The following ERCC5 variants were observed in gnomAD, a reference collection of about 807,000 sequenced individuals.
The protein encoded by ERCC5 is DNA excision repair protein ERCC-5.
Under a neutral mutation model 105.6 loss-of-function variants are expected in ERCC5, and 68 were observed. The ratio of observed to expected loss-of-function variants is 0.64; its 90% CI spans 0.53 to 0.79. The LOEUF is 0.79. Ranked by LOEUF, ERCC5 falls within the 30% of genes least tolerant of loss-of-function variation. ERCC5 has a pLI of 0.00. For missense variants in ERCC5, 1,373 were observed against 1,426.7 expected (o/e 0.96, Z 0.61); for synonymous variants, 546 against 526.2 (o/e 1.04, Z -0.51).
chr13:102,857,763 T>C (rs1029549931), intron 5 of ERCC5, among the ~76,000 whole-genome samples: 2 of 152,218 alleles, frequency 1.3e-5, no homozygotes, highest in Non-Finnish European at 2.9e-5. Flanking sequence ...CCTGAAATGC[T>C]CTATCCTCAG....
intron 5 of ERCC5, among the ~76,000 whole-genome samples, chr13:102,857,618 T>C (rs145531825): frequency 9.1e-4 from 90 of 98,906 alleles, no homozygotes; most frequent in African/African-American, 3.7e-3. Context: ...TTTCCATGTC[T>C]TCTGTGAATT....
rs1882696412 is a variant in ERCC5, at chr13:102,862,916, A to G, written c.1767A>G (p.Ile589Met). Reference protein sequence around the residue: ...GPVSLQETSSIVSVPSEAVDN... With the variant: ...GPVSLQETSSMVSVPSEAVDN... ...TCAGTTTGCAAGAAACAAGTAGCAT[A>G]GTAAGTGTCCCTTCAGAGGCAGTAG... The change falls in exon 8 of 15, where the codon ATA (isoleucine) becomes ATG (methionine). Residue 589 changes from isoleucine to methionine, a missense_variant. Ile to Met is a conservative substitution (Grantham distance 10, BLOSUM62 1). Around this residue, in one of 3 missense-constraint regions of ERCC5, gnomAD observed 1,004 missense variants for 1,059.7 expected, o/e 0.95. Coordinates refer to ENST00000652225, the MANE Select transcript of ERCC5 (RefSeq NM_000123.4). 1.2e-6 allele frequency: 2 copies of G among 1,614,238 alleles called. No homozygotes were observed.
At chr13:102,850,878 G>A (rs1445021920) in intron 1 of ERCC5, among the ~76,000 whole-genome samples, 2 of 152,150 alleles carry the variant, frequency 1.3e-5, no homozygotes, top group African/African-American at 2.4e-5. Context: ...GGAAAGAAGA[G>A]GGCCTGAGAA....
chr13:102,853,858 C>G lies in ERCC5; in HGVS notation c.366C>G (p.Ala122=). The G allele has an allele frequency of 6.2e-7, 1 of 1,614,116 alleles. No individual in the cohort carries two copies. Among genetic ancestry groups the G allele is most frequent in the Non-Finnish European group, 8.5e-7 (1 of 1,179,980 alleles). The change falls in exon 3 of 15, where the codon GCC becomes GCG. Residue 122 remains alanine, a synonymous_variant. Coordinates refer to ENST00000652225, the MANE Select transcript of ERCC5 (RefSeq NM_000123.4). ...TGAAAAGACAAGCCATCAAAACTGCCTTCAGAAGCAAAAGGCAAGAGGAAA... is the reference window on the plus strand; with the variant it reads ...TGAAAAGACAAGCCATCAAAACTGCGTTCAGAAGCAAAAGGCAAGAGGAAA... The part of the protein sequence containing the change: ...TFLKRQAIKT[A]FRSKRDEALP...
rs121434570 is a variant in ERCC5, at chr13:102,872,397, G to T, written c.2878G>T (p.Glu960Ter). Reference sequence around the variant, plus strand: ...GAAACCTGATCTCGACAAAATTAGAGAATATCCTTTGCTTCTTAAAAGAGA... The same window carrying T: ...GAAACCTGATCTCGACAAAATTAGATAATATCCTTTGCTTCTTAAAAGAGA... ...WGKPDLDKIREFCQRYFGWNR... is the reference protein window; with the variant it reads ...WGKPDLDKIR Residue 960 changes from glutamate to a stop codon, truncating the protein, a stop_gained and splice_region_variant, in exon 13 of 15, where the codon GAA (glutamate) becomes TAA (stop). Coordinates refer to ENST00000652225, the MANE Select transcript of ERCC5 (RefSeq NM_000123.4). LOFTEE classifies it high-confidence loss of function. The T allele has an allele frequency of 1.5e-5, 25 of 1,614,070 alleles. No homozygotes were observed. The highest frequency in any genetic ancestry group is 3.3e-5 in the Admixed American group (2 of 60,008).
rs765622507 is a variant in ERCC5 at position 102,868,228 on chromosome 13, G to T, written c.2649G>T (p.Gly883=). 1.2e-6 allele frequency: 2 copies of T among 1,614,160 alleles called. No homozygotes were observed. The highest frequency in any genetic ancestry group is 3.3e-5 in the Admixed American group (2 of 60,020). ...TGGAAATTCTCAATGAATTCCCTGGGCATGGCCTGGAACCTCTCCTAAAAT... is the reference window on the plus strand; with the variant it reads ...TGGAAATTCTCAATGAATTCCCTGGTCATGGCCTGGAACCTCTCCTAAAAT... ...TAMEILNEFP[G]HGLEPLLKFS... is the part of the protein sequence containing the mutation. The change falls in exon 12 of 15, where the codon GGG becomes GGT. Residue 883 remains glycine (G), a synonymous_variant. Transcript: ENST00000652225.
intron 2 of ERCC5, 53 bp from the exon 3 acceptor site, chr13:102,853,704 T>C (rs1284884300): frequency 3.9e-6 from 6 of 1,550,044 alleles, no homozygotes; most frequent in Non-Finnish European, 5.3e-6. Flanking sequence ...CACAGCAATG[T>C]TTCTAGTGGT....
chr13:102,859,874 C>G (rs1326571822), intron 6 of ERCC5, among the ~76,000 whole-genome samples: 1 of 152,132 alleles, frequency 6.6e-6, no homozygotes, highest in Non-Finnish European at 1.5e-5. Context: ...TTTCAGTGAC[C>G]TGTGGTAAAC....
intron 10 of ERCC5, 124 bp from the exon 11 acceptor site, chr13:102,866,508 C>A: frequency 6.2e-7 from 1 of 1,601,184 alleles, no homozygotes; most frequent in South Asian, 1.1e-5. Context: ...CCCTGGGGGT[C>A]ACTGTGTGTC....
rs1178352364 is a variant in ERCC5 at position 102,861,527 on chromosome 13, G to A, written c.693G>A (p.Gln231=). 2.5e-5 allele frequency: 40 copies of A among 1,613,900 alleles called. No homozygotes were observed. The highest frequency in any genetic ancestry group is 3.3e-5 in the Non-Finnish European group (39 of 1,180,014). The part of the protein sequence containing the change: ...AMPEESDDFS[Q]YQLKGLLKKN... ...TTTAGGAGTCTGATGACTTTTCACAGTACCAACTCAAAGGCTTGCTTAAAA... is the reference window on the plus strand; with the variant it reads ...TTTAGGAGTCTGATGACTTTTCACAATACCAACTCAAAGGCTTGCTTAAAA... Residue 231 remains glutamine, a synonymous_variant, in exon 7 of 15, where the codon CAG becomes CAA. Transcript: ENST00000652225.
chr13:102,875,371 T>C lies in ERCC5; in HGVS notation c.3029T>C (p.Ile1010Thr). The change falls in exon 15 of 15, where the codon ATT becomes ACT. Residue 1010 changes from isoleucine (I) to threonine (T), a missense_variant. Around this residue, in one of 3 missense-constraint regions of ERCC5, gnomAD observed 367 missense variants for 350.2 expected, o/e 1.05. Transcript: ENST00000652225. ...AQQEKEDAKR[I>T]KSQRLNRAVT... is the part of the protein sequence containing the mutation. ...CAGGAGAAAGAAGATGCTAAACGTA[T>C]TAAGAGCCAGAGACTAAACAGAGCT... 1 of 1,613,968 alleles carries C rather than the reference T, an allele frequency of 6.2e-7. No homozygotes were observed. The highest frequency in any genetic ancestry group is 2.2e-5 in the East Asian group (1 of 44,882).
In ERCC5 at chr13:102,875,769, G is replaced by A. The variant is rs55798001; in HGVS notation, c.3427G>A (p.Ala1143Thr). 1.4e-4 allele frequency: 233 copies of A among 1,614,154 alleles called. 2 individuals are homozygous for A. In the African/African-American group the frequency reaches 2.8e-3, roughly 19 times the overall value. Reference sequence around the variant, plus strand: ...GGAAGCTCCCGTGAAGAATGGAGGTGCGACCACCAGCAGCTCTAGTGATAG... The same window carrying A: ...GGAAGCTCCCGTGAAGAATGGAGGTACGACCACCAGCAGCTCTAGTGATAG... ...VKEAPVKNGG[A>T]TTSSSSDSDD... Residue 1143 changes from alanine to threonine, a missense_variant, in exon 15 of 15, where the codon GCG becomes ACG. Around this residue, in one of 3 missense-constraint regions of ERCC5, gnomAD observed 367 missense variants for 350.2 expected, o/e 1.05. Coordinates refer to ENST00000652225, the MANE Select transcript of ERCC5 (RefSeq NM_000123.4).
rs2227869 is a variant in ERCC5, at chr13:102,862,735, G to C, written c.1586G>C (p.Cys529Ser). 64,789 of 1,614,202 alleles carry C rather than the reference G, an allele frequency of 0.04. 1,412 individuals carry two copies. The highest frequency in any genetic ancestry group is 0.07 in the Middle Eastern group (427 of 6,062). ...GRELTPASPTCTNSVSKNETH... is the reference protein window; with the variant it reads ...GRELTPASPTSTNSVSKNETH... ...GAACTGACACCGGCATCTCCAACTT[G>C]TACAAATTCTGTGTCAAAGAATGAA... The change falls in exon 8 of 15, where the codon TGT becomes TCT. Residue 529 changes from cysteine to serine, a missense_variant. By Grantham distance (112) the Cys-to-Ser change is moderately radical. This residue lies in a region of ERCC5 where 1,004 missense variants were observed against 1,059.7 expected (regional missense o/e 0.95). Transcript: ENST00000652225.
intron 2 of ERCC5, among the ~76,000 whole-genome samples, chr13:102,852,602 C>T (rs985297930): frequency 1.3e-5 from 2 of 152,160 alleles, no homozygotes; most frequent in African/African-American, 2.4e-5. Context: ...TTCAAGGATG[C>T]GGCCATCACT....
chr13:102,864,585 T>C (rs1240607573), intron 8 of ERCC5: 2 of 152,196 alleles, frequency 1.3e-5, no homozygotes, highest in East Asian at 3.8e-4. Flanking sequence ...AGTTTTTTCA[T>C]TATATTTTGA....
intron 5 of ERCC5, among the ~76,000 whole-genome samples, chr13:102,857,333 T>C (rs1022642547): frequency 3.3e-5 from 5 of 152,316 alleles, no homozygotes; most frequent in Middle Eastern, 3.4e-3. Context: ...CTGTGTGATC[T>C]TACACAGATT....
intron 12 of ERCC5, among the ~76,000 whole-genome samples, chr13:102,871,922 C>T (rs1408047894): frequency 2.6e-5 from 4 of 152,076 alleles, no homozygotes; most frequent in Non-Finnish European, 5.9e-5. Flanking sequence ...TCAGTTCCCT[C>T]CTCTGTGAGG....
intron 12 of ERCC5, among the ~76,000 whole-genome samples, chr13:102,868,688 G>A (rs1364988272): frequency 6.6e-6 from 1 of 152,240 alleles, no homozygotes; most frequent in African/African-American, 2.4e-5. Flanking sequence ...GGTGTCCTGA[G>A]AGAGGTCAGC....
intron 14 of ERCC5, among the ~76,000 whole-genome samples, chr13:102,874,312 G>T (rs7984530): frequency 1.3e-5 from 2 of 152,214 alleles, no homozygotes; most frequent in Non-Finnish European, 2.9e-5. Context: ...TTTATTTGTG[G>T]CCATACTAAA....
Sources: allele counts gnomAD v4.1 joint callset (sites outside exome capture counted in the v4.1 genomes callset), GRCh38; gene constraint gnomAD v4.1.1; regional missense constraint gnomAD v4.1.1; transcripts MANE v1.5; gene names NCBI Gene and HGNC (gene_info 2026-07-23, HGNC 2026-07-21).